The following ANKS1B variants were observed in gnomAD, a reference collection of about 807,000 sequenced individuals.
ANKS1B encodes ankyrin repeat and sterile alpha motif domain-containing protein 1B.
ANKS1B carries 36 observed loss-of-function variants against 148.3 expected under a neutral mutation model. The observed-to-expected ratio is 0.24, with a 90% CI of 0.19 to 0.32. The LOEUF is 0.32. ANKS1B is among the 10% of genes least tolerant of loss of function. The pLI, the probability that ANKS1B is intolerant of heterozygous loss-of-function variation, is 1.00. For missense variants in ANKS1B, 1,157 were observed against 1,542.6 expected (o/e 0.75, Z 4.19); for synonymous variants, 542 against 560.8 (o/e 0.97, Z 0.47).
intron 16 of ANKS1B, among the ~76,000 whole-genome samples, chr12:99,069,599 C>T (rs1316880943): frequency 6.6e-6 from 1 of 152,166 alleles, no homozygotes; most frequent in African/African-American, 2.4e-5. Flanking sequence ...AAAGTGTATC[C>T]ATTTAGCACT....
chr12:98,923,700 T>A (rs1025735372), intron 17 of ANKS1B, among the ~76,000 whole-genome samples: 1 of 152,048 alleles, frequency 6.6e-6, no homozygotes, highest in Admixed American at 6.6e-5. Context: ...AGTCAATGTT[T>A]AAAAAAAATA....
At chr12:99,317,718 A>C (rs1222504572) in intron 12 of ANKS1B, among the ~76,000 whole-genome samples, 2 of 152,198 alleles carry the variant, frequency 1.3e-5, no homozygotes, top group Non-Finnish European at 2.9e-5. Flanking sequence ...AGGAGTGGTG[A>C]GAGAGGGCAT....
intron 1 of ANKS1B, among the ~76,000 whole-genome samples, chr12:99,832,894 G>C (rs1456826324): frequency 6.6e-6 from 1 of 152,142 alleles, no homozygotes; most frequent in Non-Finnish European, 1.5e-5. Context: ...ACTTTGATCT[G>C]AATGTATTGA....
chr12:98,873,016 T>C (rs2099676000), intron 17 of ANKS1B, among the ~76,000 whole-genome samples: 1 of 152,232 alleles, frequency 6.6e-6, no homozygotes, highest in Non-Finnish European at 1.5e-5. Context: ...GGATCCATCT[T>C]GTAAGACTAT....
At chr12:99,758,501 C>T (rs967589993) in intron 8 of ANKS1B, among the ~76,000 whole-genome samples, 5 of 151,612 alleles carry the variant, frequency 3.3e-5, no homozygotes, top group African/African-American at 1.2e-4. Context: ...CACAACAATC[C>T]TGCAAGGTAC....
intron 10 of ANKS1B, among the ~76,000 whole-genome samples, chr12:99,495,075 T>C (rs2096591068): frequency 1.3e-5 from 2 of 152,252 alleles, no homozygotes; most frequent in East Asian, 1.9e-4. Context: ...AAGAGTGGAA[T>C]GTGAAGCAGT....
chr12:99,446,008 C>CCA (rs1487642411), intron 10 of ANKS1B, among the ~76,000 whole-genome samples: 1 of 151,922 alleles, frequency 6.6e-6, no homozygotes, highest in Admixed American at 6.6e-5. Flanking sequence ...TAGCCATGAG[C>CCA]CACTGCACCC....
intron 17 of ANKS1B, among the ~76,000 whole-genome samples, chr12:99,038,069 C>A (rs190070152): frequency 6.6e-6 from 1 of 152,092 alleles, no homozygotes; most frequent in Non-Finnish European, 1.5e-5. Flanking sequence ...GGGTACAGAG[C>A]GCAGAAACGT....
intron 1 of ANKS1B, among the ~76,000 whole-genome samples, chr12:99,939,652 A>G (rs2094870419): frequency 6.6e-6 from 1 of 152,204 alleles, no homozygotes; most frequent in Non-Finnish European, 1.5e-5. Context: ...GGATCAAGGT[A>G]ACTAAAAACA....
At position 99,486,491 on chromosome 12, in the gene ANKS1B, TTTA is replaced by T. The variant is rs869128211; in HGVS notation, c.1438+17982_1438+17984del. 2.6e-5 allele frequency among the ~76,000 whole-genome samples: 4 copies of T among 151,236 alleles called. No homozygotes were observed. In the East Asian group the frequency reaches 5.8e-4, roughly 22 times the overall value. The stretch of plus-strand genomic sequence containing the variant: ...ATTTATTTATTTATTTATTTATTTA[TTTA>T]TTTTTCCCCAGTATTTTATTTGCTG... On this transcript the variant is annotated intron_variant, in intron 10 of 26. Coordinates refer to ENST00000683438, the MANE Select transcript of ANKS1B (RefSeq NM_001352186.2).
intron 16 of ANKS1B, among the ~76,000 whole-genome samples, chr12:99,069,594 G>T (rs1431583895): frequency 6.6e-6 from 1 of 152,164 alleles, no homozygotes; most frequent in East Asian, 1.9e-4. Flanking sequence ...CATTTAAAGT[G>T]TATCCATTTA....
At chr12:99,369,613 C>T (rs186350049) in intron 12 of ANKS1B, among the ~76,000 whole-genome samples, 35 of 126,022 alleles carry the variant, frequency 2.8e-4, no homozygotes, top group Admixed American at 1.0e-3. Flanking sequence ...CAAGGTATTA[C>T]GGTTAAGAGA....
At chr12:98,932,089 C>A (rs2099814172) in intron 17 of ANKS1B, among the ~76,000 whole-genome samples, 1 of 152,110 alleles carries the variant, frequency 6.6e-6, no homozygotes, top group Non-Finnish European at 1.5e-5. Context: ...CTGCATTCTC[C>A]CCATTATGAT....
chr12:99,953,126 CA>C (rs2095256065), intron 1 of ANKS1B, among the ~76,000 whole-genome samples: 1 of 151,834 alleles, frequency 6.6e-6, no homozygotes, highest in Non-Finnish European at 1.5e-5. Flanking sequence ...AGGAAATAAA[CA>C]AAATATAAAA....
At chr12:99,333,551 G>C (rs7969765) in intron 12 of ANKS1B, among the ~76,000 whole-genome samples, 223 of 152,120 alleles carry the variant, frequency 1.5e-3, no homozygotes, top group African/African-American at 5.1e-3. Flanking sequence ...TCTCCTTCCT[G>C]TTGATTTAGT....
At position 99,069,802 on chromosome 12, in the gene ANKS1B, A is replaced by AT. The variant is rs971629049; in HGVS notation, c.2625+15122dup. On this transcript the variant is annotated intron_variant, in intron 16 of 26. Coordinates refer to ENST00000683438, the MANE Select transcript of ANKS1B (RefSeq NM_001352186.2). ...TGTGAAATAGTAAAAATGGCCAGTC[A>AT]TTTTTTCCCCAAGATGAGTAAATTG... Among the ~76,000 whole-genome samples the AT allele has an allele frequency of 1.1e-4, 16 of 152,274 alleles. No homozygotes were observed. In the South Asian group the frequency reaches 1.4e-3, roughly 14 times the overall value.
intron 1 of ANKS1B, among the ~76,000 whole-genome samples, chr12:99,867,499 A>C (rs1470216447): frequency 1.3e-5 from 2 of 152,216 alleles, no homozygotes. Flanking sequence ...GTAGAGGGCG[A>C]AAGGCATGTT....
intron 10 of ANKS1B, among the ~76,000 whole-genome samples, chr12:99,501,533 C>T (rs2096655741): frequency 6.6e-6 from 1 of 152,162 alleles, no homozygotes; most frequent in Non-Finnish European, 1.5e-5. Flanking sequence ...TTCCCACCCC[C>T]TGACCTGCCT....
At chr12:99,385,456 G>A (rs1286792900) in intron 12 of ANKS1B, among the ~76,000 whole-genome samples, 2 of 152,150 alleles carry the variant, frequency 1.3e-5, no homozygotes, top group Admixed American at 1.3e-4. Flanking sequence ...GCAACAGAGC[G>A]AGGCTGTGTC....
Sources: gnomAD v4.1 joint callset for allele counts (sites outside exome capture counted in the v4.1 genomes callset) on GRCh38, gnomAD v4.1.1 for gene constraint, MANE v1.5 for transcripts, NCBI Gene and HGNC (gene_info 2026-07-23, HGNC 2026-07-21) for gene names.